CPQ: variants seen among roughly 807,000 people sequenced by gnomAD.
CPQ encodes the protein Ser-Met dipeptidase.
Under a neutral mutation model 45.7 loss-of-function variants are expected in CPQ, and 37 were observed. The observed-to-expected ratio is 0.81, with a 90% CI of 0.62 to 1.07. CPQ has a LOEUF of 1.07. CPQ is among the 50% of genes least tolerant of loss of function. The pLI is 0.00. For missense variants in CPQ, 537 were observed against 572.9 expected (o/e 0.94, Z 0.64); for synonymous variants, 186 against 205.8 (o/e 0.90, Z 0.82).
At chr8:97,046,528 T>G (rs1810259567) in intron 6 of CPQ, among the ~76,000 whole-genome samples, 1 of 152,322 alleles carries the variant, frequency 6.6e-6, no homozygotes, top group East Asian at 1.9e-4. Context: ...AGGTTTAAAG[T>G]GGTTTCATCA....
At chr8:96,895,517 T>C (rs1812432354) in intron 4 of CPQ, among the ~76,000 whole-genome samples, 2 of 152,230 alleles carry the variant, frequency 1.3e-5, no homozygotes, top group Non-Finnish European at 2.9e-5. Context: ...CATGAATCTT[T>C]CAGGAAAAAT....
intron 1 of CPQ, chr8:96,659,197 CCT>C (rs1204467578): frequency 9.2e-5 from 14 of 152,170 alleles, no homozygotes; most frequent in Admixed American, 6.5e-4. Context: ...GGTTATCTTC[CCT>C]ACAAAGACTA....
Position 96,835,158 on chromosome 8 carries a change from G to A in CPQ, c.619G>A (p.Val207Met), listed in dbSNP as rs201297204. ...VGALASLIRS[V>M]ASFSIYSPHT... ...GGCTTTGGCATCTCTCATTCGATCC[G>A]TGGCCTCCTTCTCCATCTACAGGTT... Residue 207 changes from valine to methionine, a missense_variant, in exon 3 of 8, where the codon GTG (valine) becomes ATG (methionine). Val to Met is a conservative substitution (Grantham distance 21). Transcript: ENST00000220763. 3.4e-4 allele frequency: 518 copies of A among 1,522,570 alleles called. No homozygotes were observed. The highest frequency in any genetic ancestry group is 4.3e-4 in the Non-Finnish European group (482 of 1,129,666). The allele number at this position is 1,522,570 out of a possible 1,614,324, so 94.3% of individuals were successfully genotyped here.
chr8:96,922,565 A>G (rs1254000027), intron 4 of CPQ, among the ~76,000 whole-genome samples: 3 of 152,222 alleles, frequency 2.0e-5, no homozygotes, highest in African/African-American at 7.2e-5. Flanking sequence ...TGGCCAAAAC[A>G]TGAGGCAGGG....
At chr8:96,906,373 A>G (rs1274298173) in intron 4 of CPQ, among the ~76,000 whole-genome samples, 1 of 152,194 alleles carries the variant, frequency 6.6e-6, no homozygotes, top group African/African-American at 2.4e-5. Context: ...ATAGGAATTT[A>G]TGTGAATAAA....
chr8:96,646,987 G>A lies in CPQ; in HGVS notation c.-35+1585G>A, dbSNP rs1368956334. On this transcript the variant is annotated intron_variant, in intron 1 of 7. Coordinates refer to ENST00000220763, the MANE Select transcript of CPQ (RefSeq NM_016134.4). ...ACATTGTCACAGGCTCCTGGTCCTG[G>A]GTCTGACTTTTTTCCAGTGCAACCC... Among the ~76,000 whole-genome samples, 4 of 152,210 alleles carry A rather than the reference G, an allele frequency of 2.6e-5. No homozygotes were observed. In the East Asian group the frequency reaches 7.7e-4, roughly 29 times the overall value.
chr8:96,787,473 T>C (rs956975556), intron 2 of CPQ, among the ~76,000 whole-genome samples: 1 of 149,048 alleles, frequency 6.7e-6, no homozygotes, highest in Non-Finnish European at 1.5e-5. Flanking sequence ...CTTAATATTT[T>C]GCATTTACAT....
At chr8:97,064,411 T>C (rs1455311589) in intron 6 of CPQ, among the ~76,000 whole-genome samples, 1 of 152,186 alleles carries the variant, frequency 6.6e-6, no homozygotes, top group Non-Finnish European at 1.5e-5. Flanking sequence ...ATATTTTGCA[T>C]ATTATTAACT....
At chr8:96,708,643 G>C (rs1406285707) in intron 1 of CPQ, among the ~76,000 whole-genome samples, 1 of 151,838 alleles carries the variant, frequency 6.6e-6, no homozygotes, top group Non-Finnish European at 1.5e-5. Context: ...TCTGTCATTA[G>C]TTTCCTGTGA....
At chr8:96,959,887 A>G in intron 4 of CPQ, among the ~76,000 whole-genome samples, 1 of 141,898 alleles carries the variant, frequency 7.0e-6, no homozygotes. Flanking sequence ...AAAAATCACA[A>G]AAGCAAAAAA....
At chr8:96,886,422 C>T (rs1047080833) in intron 4 of CPQ, among the ~76,000 whole-genome samples, 4 of 152,164 alleles carry the variant, frequency 2.6e-5, no homozygotes, top group Non-Finnish European at 5.9e-5. Context: ...TATTTCTACC[C>T]CCACTTATCA....
intron 7 of CPQ, among the ~76,000 whole-genome samples, chr8:97,111,465 C>T (rs2130593853): frequency 6.6e-6 from 1 of 152,288 alleles, no homozygotes; most frequent in Middle Eastern, 3.4e-3. Context: ...GACAAGTGTA[C>T]CCCAGATGTC....
chr8:97,099,252 T>G (rs1287256088), intron 7 of CPQ, among the ~76,000 whole-genome samples: 1 of 148,994 alleles, frequency 6.7e-6, no homozygotes, highest in Non-Finnish European at 1.5e-5. Flanking sequence ...TGCCTCTGCC[T>G]CCTGAGTAAC....
intron 1 of CPQ, chr8:96,761,386 C>T (rs1810403675): frequency 6.6e-6 from 1 of 152,222 alleles, no homozygotes; most frequent in Non-Finnish European, 1.5e-5. Context: ...CTCTAAGCGC[C>T]CTTAGTGTTC....
At chr8:96,907,465 C>T (rs1001932736) in intron 4 of CPQ, among the ~76,000 whole-genome samples, 2 of 152,106 alleles carry the variant, frequency 1.3e-5, no homozygotes, top group Non-Finnish European at 2.9e-5. Context: ...GGAATGTAGC[C>T]TATCAAAATA....
intron 4 of CPQ, among the ~76,000 whole-genome samples, chr8:96,942,663 T>A (rs1200478000): frequency 6.6e-6 from 1 of 152,154 alleles, no homozygotes; most frequent in Admixed American, 6.5e-5. Context: ...ATTATAATCA[T>A]CTGAGTGCTT....
At chr8:96,660,119 C>A (rs1368500408) in intron 1 of CPQ, among the ~76,000 whole-genome samples, 1 of 152,166 alleles carries the variant, frequency 6.6e-6, no homozygotes, top group East Asian at 1.9e-4. Flanking sequence ...ACAACAAAAT[C>A]CTGCAGACTG....
chr8:96,737,828 G>A (rs1206847701), intron 1 of CPQ, among the ~76,000 whole-genome samples: 1 of 151,802 alleles, frequency 6.6e-6, no homozygotes, highest in African/African-American at 2.4e-5. Flanking sequence ...TTTTACTTTG[G>A]ATTTAAAAAT....
intron 4 of CPQ, among the ~76,000 whole-genome samples, chr8:96,903,672 G>A (rs945224671): frequency 6.6e-6 from 1 of 152,166 alleles, no homozygotes; most frequent in Admixed American, 6.5e-5. Context: ...GAGACTCAGA[G>A]AAGAGAAGTA....
Sources: gnomAD v4.1 joint callset for allele counts (sites outside exome capture counted in the v4.1 genomes callset) on GRCh38, gnomAD v4.1.1 for gene constraint, MANE v1.5 for transcripts, NCBI Gene and HGNC (gene_info 2026-07-23, HGNC 2026-07-21) for gene names.